SCNN1G: variants seen among roughly 807,000 people sequenced by gnomAD.
The protein encoded by SCNN1G is epithelial sodium channel subunit gamma.
In SCNN1G, 27 loss-of-function variants were observed where a neutral mutation model predicts 64.6. The ratio of observed to expected loss-of-function variants is 0.42; its 90% CI spans 0.31 to 0.58. SCNN1G has a LOEUF of 0.58. Among genes scored for constraint, SCNN1G ranks in the 20% least tolerant of loss-of-function variants. The probability of loss-of-function intolerance (pLI) is 0.18; values close to 1 mark genes in which losing one functional copy is unlikely to be tolerated. For missense variants in SCNN1G, 743 were observed against 823.4 expected (o/e 0.90, Z 1.19); for synonymous variants, 330 against 314.2 (o/e 1.05, Z -0.53).
chr16:23,186,687 T>G (rs1567261710), intron 2 of SCNN1G, 99 bp downstream of exon 2: 1 of 1,019,852 alleles, frequency 9.8e-7, no homozygotes, highest in East Asian at 2.4e-5. Flanking sequence ...TGGAGGTCGA[T>G]TCCAGCCTAC....
Position 23,212,687 on chromosome 16 carries a change from A to G in SCNN1G, c.1304A>G (p.Tyr435Cys), listed in dbSNP as rs1960099549. 6.2e-6 allele frequency: 10 copies of G among 1,613,788 alleles called. No homozygotes were observed. Among genetic ancestry groups the G allele is most frequent in the Non-Finnish European group, 8.5e-6 (10 of 1,179,828 alleles). Residue 435 changes from tyrosine to cysteine, a missense_variant, in exon 9 of 13, where the codon TAC (tyrosine) becomes TGC (cysteine). Transcript: ENST00000300061. ...CTCCCTTGTCCCTCAGTGTATTGTT[A>G]CTACCAACTGCATCGAGCCTTTGTC... ...YQQHPNWMYCYYQLHRAFVQE... is the reference protein window; with the variant it reads ...YQQHPNWMYCCYQLHRAFVQE...
At chr16:23,184,396 C>T (rs4073931) in intron 1 of SCNN1G, among the ~76,000 whole-genome samples, 31,564 of 152,030 alleles carry the variant, frequency 0.21, 3,641 homozygotes, top group Admixed American at 0.31. Flanking sequence ...AACAAACTCT[C>T]GCTAATTTTT....
At chr16:23,204,320 TATATATATATATATAG>T (rs1374054332) in intron 6 of SCNN1G, among the ~76,000 whole-genome samples, 18 of 80,112 alleles carry the variant, frequency 2.2e-4, no homozygotes, top group South Asian at 4.8e-4. Flanking sequence ...TATATATATA[TATATATATATATATAG>T]AGAGAGAGAG....
In SCNN1G at chr16:23,184,421, CTTCT is replaced by C. The variant is rs552999729; in HGVS notation, c.-45+1611_-45+1614del. On this transcript the variant is annotated intron_variant, in intron 1 of 12. Transcript: ENST00000300061. The stretch of plus-strand genomic sequence containing the variant: ...CGCTAATTTTTTTCTTTCTTTCCTT[CTTCT>C]TTATTTCATTTTTTATTTTTTTGGA... Among the ~76,000 whole-genome samples the C allele has an allele frequency of 7.9e-5, 12 of 152,202 alleles. No homozygotes were observed. The Middle Eastern group carries it at 0.014, about 174-fold the overall frequency.
At chr16:23,206,055 T>C (rs1370790869) in intron 6 of SCNN1G, among the ~76,000 whole-genome samples, 1 of 152,226 alleles carries the variant, frequency 6.6e-6, no homozygotes, top group African/African-American at 2.4e-5. Context: ...TGAATGTAGC[T>C]GAGCCTGGGA....
In SCNN1G at chr16:23,212,344, C is replaced by G. The variant is rs141274629; in HGVS notation, c.1294+193C>G. ...ATACTTTGCAACTGACCACCTTAGT[C>G]AACTCCAGGAGGTAGGAACGGTGGA... On this transcript the variant is annotated intron_variant, in intron 8 of 12. Coordinates refer to ENST00000300061, the MANE Select transcript of SCNN1G (RefSeq NM_001039.4). Among the ~76,000 whole-genome samples the G allele has an allele frequency of 1.0e-3, 154 of 152,284 alleles. 3 individuals are homozygous for G. The East Asian group carries it at 0.022, about 22-fold the overall frequency.
At position 23,183,967 on chromosome 16, in the gene SCNN1G, C is replaced by T. The variant is rs192717717; in HGVS notation, c.-45+1154C>T. ...TGTACAATGGAGGTGGTTGTGATAC[C>T]TACCTCAGACGATTATCGTGAAAAT... On this transcript the variant is annotated intron_variant, in intron 1 of 12. Coordinates refer to ENST00000300061, the MANE Select transcript of SCNN1G (RefSeq NM_001039.4). Among the ~76,000 whole-genome samples, 473 of 152,212 alleles carry T rather than the reference C, an allele frequency of 3.1e-3. 3 individuals are homozygous for T. The highest frequency in any genetic ancestry group is 4.3e-3 in the Non-Finnish European group (292 of 68,014).
chr16:23,198,048 G>T (rs970402281), intron 6 of SCNN1G, among the ~76,000 whole-genome samples: 1 of 152,094 alleles, frequency 6.6e-6, no homozygotes, highest in Non-Finnish European at 1.5e-5. Flanking sequence ...CTATCTTTCT[G>T]GGCTGCTTAG....
At chr16:23,199,969 C>T (rs570738371) in intron 6 of SCNN1G, among the ~76,000 whole-genome samples, 43 of 152,258 alleles carry the variant, frequency 2.8e-4, no homozygotes, top group African/African-American at 9.9e-4. Context: ...CAGCGCCTGG[C>T]CCATAATGAC....
chr16:23,186,842 G>A (rs1187934268), intron 2 of SCNN1G, among the ~76,000 whole-genome samples: 6 of 151,726 alleles, frequency 4.0e-5, no homozygotes, highest in African/African-American at 7.3e-5. Context: ...ATGGAGTTTC[G>A]CTCTTGTTGC....
chr16:23,189,741 C>A, intron 3 of SCNN1G, 70 bp downstream of exon 3: 1 of 1,417,016 alleles, frequency 7.1e-7, no homozygotes, highest in Non-Finnish European at 1.0e-6. Context: ...GACTCTTCTC[C>A]TTGACCACTA....
intron 2 of SCNN1G, among the ~76,000 whole-genome samples, chr16:23,188,273 C>G (rs1172774830): frequency 6.6e-6 from 1 of 152,146 alleles, no homozygotes; most frequent in Non-Finnish European, 1.5e-5. Context: ...CTTTCAGAAG[C>G]CAAGGCATGA....
chr16:23,208,686 T>A (rs1323770955), intron 6 of SCNN1G, among the ~76,000 whole-genome samples: 1 of 149,508 alleles, frequency 6.7e-6, no homozygotes, highest in Non-Finnish European at 1.5e-5. Flanking sequence ...CTTTCTTTTC[T>A]TTTTTCCTTC....
intron 6 of SCNN1G, among the ~76,000 whole-genome samples, chr16:23,206,268 G>T (rs1388347542): frequency 6.6e-6 from 1 of 152,216 alleles, no homozygotes. Context: ...AGCTTGGCTG[G>T]ACTGACCACC....
At chr16:23,206,341 G>C (rs1959989751) in intron 6 of SCNN1G, among the ~76,000 whole-genome samples, 1 of 152,198 alleles carries the variant, frequency 6.6e-6, no homozygotes, top group African/African-American at 2.4e-5. Flanking sequence ...GTGGGAGCTG[G>C]CTCTCTAACC....
intron 6 of SCNN1G, among the ~76,000 whole-genome samples, chr16:23,200,009 G>A (rs1959863440): frequency 6.6e-6 from 1 of 152,108 alleles, no homozygotes; most frequent in Non-Finnish European, 1.5e-5. Flanking sequence ...TGGGTGGGGA[G>A]AAAGAAACAA....
In SCNN1G at chr16:23,215,316, C is replaced by T. The variant is rs377305244; in HGVS notation, c.1797C>T (p.Asp599=). The T allele has an allele frequency of 9.9e-6, 16 of 1,614,084 alleles. No homozygotes were observed. The highest frequency in any genetic ancestry group is 8.0e-5 in the African/African-American group (6 of 74,934). Residue 599 remains aspartate, a synonymous_variant, in exon 13 of 13, where the codon GAC becomes GAT. Coordinates refer to ENST00000300061, the MANE Select transcript of SCNN1G (RefSeq NM_001039.4). The part of the protein sequence containing the change: ...QGQDNPALDI[D]DDLPTFNSAL... ...AGGACAATCCAGCCCTGGATATAGA[C>T]GATGACCTACCCACTTTCAACTCTG...
chr16:23,183,353 C>T (rs969165046), intron 1 of SCNN1G, among the ~76,000 whole-genome samples: 4 of 152,186 alleles, frequency 2.6e-5, no homozygotes, highest in African/African-American at 9.6e-5. Context: ...GGCAGGAGCT[C>T]GGGTCAGGGC....
At chr16:23,201,544 G>C (rs1227476705) in intron 6 of SCNN1G, among the ~76,000 whole-genome samples, 1 of 151,972 alleles carries the variant, frequency 6.6e-6, no homozygotes, top group Non-Finnish European at 1.5e-5. Context: ...AAAAAAACAG[G>C]GTTTATGAAG....
Sources: allele counts gnomAD v4.1 joint callset (sites outside exome capture counted in the v4.1 genomes callset), GRCh38; gene constraint gnomAD v4.1.1; transcripts MANE v1.5; gene names NCBI Gene and HGNC (gene_info 2026-07-23, HGNC 2026-07-21).